The following MDGA2 variants were observed in gnomAD, a reference collection of about 807,000 sequenced individuals.
MDGA2 encodes MAM domain containing glycosylphosphatidylinositol anchor 2.
MDGA2 carries 40 observed loss-of-function variants against 117.8 expected under a neutral mutation model. The observed-to-expected ratio is 0.34, with a 90% confidence interval of 0.26 to 0.44. MDGA2 has a LOEUF of 0.44. MDGA2 is among the 20% of genes least tolerant of loss of function. MDGA2 has a pLI of 1.00. For missense variants in MDGA2, 1,123 were observed against 1,250.6 expected, an observed-to-expected ratio of 0.90 and a Z score of 1.54; for synonymous variants, 452 against 439.0, an observed-to-expected ratio of 1.03 and a Z score of -0.37.
intron 6 of MDGA2, among the ~76,000 whole-genome samples, chr14:47,086,991 A>G (rs1228761147): frequency 6.6e-6 from 1 of 152,212 alleles, no homozygotes; most frequent in Non-Finnish European, 1.5e-5. Flanking sequence ...TGACACAGAT[A>G]TAGCATAGAG....
chr14:47,605,628 C>A (rs1487568414), intron 1 of MDGA2, among the ~76,000 whole-genome samples: 1 of 151,814 alleles, frequency 6.6e-6, no homozygotes, highest in African/African-American at 2.4e-5. Flanking sequence ...TATAGATAAG[C>A]TTTATAATGG....
chr14:47,128,647 G>A lies in MDGA2; in HGVS notation c.925+3067C>T, dbSNP rs1311721248. ...TGAGATTAACTTTTATAAGTGCTAA[G>A]TCCACTAAGATTTTATATTTCTATT... is the stretch of plus-strand genomic sequence containing the variant. On this transcript the variant is annotated intron_variant, in intron 5 of 16. Transcript: ENST00000399232. Among the ~76,000 whole-genome samples the A allele has an allele frequency of 3.3e-5, 5 of 150,048 alleles. 1 individual carries two copies. The highest frequency in any genetic ancestry group is 9.8e-5 in the African/African-American group (4 of 40,872).
chr14:47,040,168 A>T (rs1453054252), intron 7 of MDGA2, among the ~76,000 whole-genome samples: 1 of 152,134 alleles, frequency 6.6e-6, no homozygotes, highest in Non-Finnish European at 1.5e-5. Flanking sequence ...ACAGTACAAA[A>T]TTTTACACCT....
At chr14:46,863,455 T>C (rs967441470) in intron 14 of MDGA2, among the ~76,000 whole-genome samples, 1 of 152,180 alleles carries the variant, frequency 6.6e-6, no homozygotes, top group African/African-American at 2.4e-5. Context: ...ATTCATCCTA[T>C]TGAACAGAAA....
chr14:46,855,243 C>T lies in MDGA2; in HGVS notation c.2753-89G>A, dbSNP rs1881224494. ...ACCAAACACTTGTAAACTTTTTAAA[C>T]TGAAATTTTACAGAACACTCTAGTG... On this transcript the variant is annotated intron_variant, in intron 14 of 16. Coordinates refer to ENST00000399232, the MANE Select transcript of MDGA2 (RefSeq NM_001113498.3). This position sits in a 1 kb window ranked among gnomAD's most constrained non-coding sequence, Gnocchi z 4.1. 1.8e-6 allele frequency: 2 copies of T among 1,139,290 alleles called. No individual in the cohort carries two copies. Among genetic ancestry groups the T allele is most frequent in the Non-Finnish European group, 2.5e-6 (2 of 804,192 alleles). 70.6% of individuals were successfully genotyped at this position (1,139,290 alleles called of 1,614,324 possible).
intron 1 of MDGA2, among the ~76,000 whole-genome samples, chr14:47,336,451 A>T (rs1277643280): frequency 6.6e-6 from 1 of 151,978 alleles, no homozygotes; most frequent in Non-Finnish European, 1.5e-5. Flanking sequence ...AGGAAGAAAT[A>T]CTTGCATCCT....
At chr14:47,620,548 C>A (rs576774908) in intron 1 of MDGA2, among the ~76,000 whole-genome samples, 49 of 152,284 alleles carry the variant, frequency 3.2e-4, no homozygotes, top group Non-Finnish European at 5.6e-4. Flanking sequence ...GATGAGAGGG[C>A]AGGATAACCT....
At chr14:47,068,316 T>C (rs1009843472) in intron 6 of MDGA2, among the ~76,000 whole-genome samples, 6 of 151,654 alleles carry the variant, frequency 4.0e-5, no homozygotes, top group Non-Finnish European at 7.4e-5. Context: ...TAAATTCTTC[T>C]TAAGAAGGGG....
chr14:47,554,242 G>A (rs1283336490), intron 1 of MDGA2, among the ~76,000 whole-genome samples: 1 of 152,058 alleles, frequency 6.6e-6, no homozygotes, highest in Non-Finnish European at 1.5e-5. Context: ...CTAGTAGTTT[G>A]TCTCTGTTTT....
chr14:47,157,590 CAT>C (rs796835361), intron 3 of MDGA2, among the ~76,000 whole-genome samples: 28 of 130,358 alleles, frequency 2.1e-4, no homozygotes, highest in African/African-American at 4.6e-4. Context: ...AAACTATGTA[CAT>C]ATATGTGTGT....
chr14:47,032,797 G>A (rs1327040865), intron 8 of MDGA2, among the ~76,000 whole-genome samples: 1 of 152,154 alleles, frequency 6.6e-6, no homozygotes, highest in Non-Finnish European at 1.5e-5. Context: ...GAAAAATAGT[G>A]ACATATAACC....
intron 1 of MDGA2, among the ~76,000 whole-genome samples, chr14:47,396,351 C>A (rs1213049471): frequency 6.6e-6 from 1 of 151,958 alleles, no homozygotes; most frequent in East Asian, 1.9e-4. Flanking sequence ...GACCTAAAAC[C>A]ATGAAAACCC....
intron 8 of MDGA2, among the ~76,000 whole-genome samples, chr14:47,010,309 C>T (rs2138530316): frequency 6.6e-6 from 1 of 150,598 alleles, no homozygotes; most frequent in East Asian, 2.0e-4. Flanking sequence ...TAAGTGCTAG[C>T]TTAAAGGTAA....
intron 1 of MDGA2, among the ~76,000 whole-genome samples, chr14:47,450,871 C>A (rs753619939): frequency 3.3e-5 from 5 of 151,982 alleles, no homozygotes; most frequent in Admixed American, 3.3e-4. Flanking sequence ...TTTCAAATAA[C>A]CTGAAGGATT....
intron 2 of MDGA2, among the ~76,000 whole-genome samples, chr14:47,218,971 C>A (rs1193913508): frequency 1.3e-5 from 2 of 151,984 alleles, no homozygotes; most frequent in African/African-American, 4.8e-5. Flanking sequence ...TGGTATTCAA[C>A]TCAACTTTTG....
chr14:47,342,913 T>C, intron 1 of MDGA2: 1 of 466,194 alleles, frequency 2.1e-6, no homozygotes, highest in Non-Finnish European at 4.1e-6. Flanking sequence ...ACTCATTTCA[T>C]ACTTGGGATA....
At chr14:47,307,260 T>C (rs1255624861) in intron 1 of MDGA2, among the ~76,000 whole-genome samples, 1 of 152,184 alleles carries the variant, frequency 6.6e-6, no homozygotes, top group Non-Finnish European at 1.5e-5. Context: ...TTCACAATGA[T>C]ATTCTAAACT....
At chr14:47,515,923 T>C (rs1894741755) in intron 1 of MDGA2, among the ~76,000 whole-genome samples, 1 of 152,162 alleles carries the variant, frequency 6.6e-6, no homozygotes, top group Admixed American at 6.6e-5. Context: ...AAACACCAAA[T>C]ACATTTTTGA....
chr14:47,651,029 T>C (rs1325546776), intron 1 of MDGA2, among the ~76,000 whole-genome samples: 1 of 152,174 alleles, frequency 6.6e-6, no homozygotes, highest in Non-Finnish European at 1.5e-5. Flanking sequence ...AGAAGCTTTT[T>C]GGGTCTTTAT....
Sources: allele counts gnomAD v4.1 joint callset (sites outside exome capture counted in the v4.1 genomes callset), GRCh38; gene constraint gnomAD v4.1.1; non-coding constraint Gnocchi (gnomAD v3.1); transcripts MANE v1.5; gene names NCBI Gene and HGNC (gene_info 2026-07-23, HGNC 2026-07-21).